The following ZNF749 variants were observed in gnomAD, a reference collection of about 807,000 sequenced individuals.
The protein encoded by ZNF749 is zinc finger protein 749.
A neutral mutation model predicts 7.3 loss-of-function variants in ZNF749; 8 were observed. The ratio of observed to expected loss-of-function variants is 1.10; its 90% confidence interval spans 0.64 to 1.98. The LOEUF is 1.98. Ranked by LOEUF, ZNF749 falls within the 30% of genes most tolerant of loss-of-function variation. ZNF749 has a pLI of 0.00. For missense variants in ZNF749, 898 were observed against 932.4 expected, an observed-to-expected ratio of 0.96 and a Z score of 0.48; for synonymous variants, 310 against 322.4, an observed-to-expected ratio of 0.96 and a Z score of 0.41.
chr19:57,440,910 G>A (rs182473727), intron 1 of ZNF749, among the ~76,000 whole-genome samples: 10 of 151,964 alleles, frequency 6.6e-5, no homozygotes, highest in African/African-American at 1.4e-4. Context: ...GGTGGATCAC[G>A]AGGTCAGGAG....
intron 1 of ZNF749, among the ~76,000 whole-genome samples, chr19:57,437,339 A>G (rs560203518): frequency 6.6e-6 from 1 of 152,276 alleles, no homozygotes; most frequent in South Asian, 2.1e-4. Context: ...AATAATTTAA[A>G]TGTATTAAAA....
At chr19:57,429,641 G>C in the ZNF749 span, among the ~76,000 whole-genome samples, 1 of 151,992 alleles carries the variant, frequency 6.6e-6, no homozygotes, top group African/African-American at 2.4e-5. This position sits in a 1 kb window ranked among gnomAD's most constrained non-coding sequence, Gnocchi z 4.2. Flanking sequence ...ACCATGCCTG[G>C]TGAATTTTTT....
upstream of ZNF749, chr19:57,435,232 C>T (rs2088921863): frequency 4.2e-6 from 2 of 476,224 alleles, no homozygotes; most frequent in Admixed American, 7.4e-5. Flanking sequence ...GTGAGAACTA[C>T]ATTACCCAGA....
At position 57,435,377 on chromosome 19, in the gene ZNF749, T is replaced by TAGCATGGCTAC. The variant is rs2088923972; in HGVS notation, c.-202_-201insAGCATGGCTAC. ...TTAGCATGGCTACCTAGGGATCTGTTCACTGATTTAGAGGGTCCCAGAGCT... is the reference window on the plus strand; with the variant it reads ...TTAGCATGGCTACCTAGGGATCTGTTAGCATGGCTACCACTGATTTAGAGGGTCCCAGAGCT... On this transcript the variant is annotated 5_prime_UTR_variant, in exon 1 of 3. It adds an upstream start codon to the 5' untranslated region. Coordinates refer to ENST00000334181, the MANE Select transcript of ZNF749 (RefSeq NM_001023561.4). 8.2e-6 allele frequency: 6 copies of TAGCATGGCTAC among 727,772 alleles called. No homozygotes were observed. In the South Asian group the frequency reaches 8.7e-5, roughly 11 times the overall value. The allele number at this position is 727,772 out of a possible 1,614,324, so 45.1% of individuals were successfully genotyped here.
At position 57,445,532 on chromosome 19, in the gene ZNF749, C is replaced by A. The variant is rs2240041; in HGVS notation, c.*47C>A. 4 of 1,552,350 alleles carry A rather than the reference C, an allele frequency of 2.6e-6. No homozygotes were observed. Among genetic ancestry groups the A allele is most frequent in the Non-Finnish European group, 3.5e-6 (4 of 1,152,932 alleles). The stretch of plus-strand genomic sequence containing the variant: ...ACCAAAACTGTCACCTCATTCAGCA[C>A]CAAAAGGTTCACATCGGACCAAGAA... On this transcript the variant is annotated 3_prime_UTR_variant, in exon 3 of 3. Transcript: ENST00000334181.
chr19:57,440,230 T>C (rs1470824930), intron 1 of ZNF749, among the ~76,000 whole-genome samples: 6 of 151,972 alleles, frequency 3.9e-5, no homozygotes. Flanking sequence ...GAGACTACTT[T>C]AGGGGAAGAT....
intron 1 of ZNF749, among the ~76,000 whole-genome samples, chr19:57,440,726 A>G (rs1003995245): frequency 2.0e-5 from 3 of 152,088 alleles, no homozygotes; most frequent in African/African-American, 7.2e-5. Flanking sequence ...AGGAGCATGA[A>G]TGCGTGGTCC....
chr19:57,446,524 T>C lies in ZNF749; in HGVS notation c.*1039T>C, dbSNP rs1258443507. On this transcript the variant is annotated 3_prime_UTR_variant, in exon 3 of 3. Transcript: ENST00000334181. ...ATGAGGAAACTTAAGTTTTAGTCTT[T>C]TGTGACTTATTTTGAGGCTTATTTC... Among the ~76,000 whole-genome samples the C allele has an allele frequency of 6.6e-6, 1 of 152,254 alleles. No homozygotes were observed. The highest frequency in any genetic ancestry group is 1.5e-5 in the Non-Finnish European group (1 of 68,044).
At position 57,435,611 on chromosome 19, in the gene ZNF749, G is replaced by C. The variant is rs753075822; in HGVS notation, c.15+18G>C. On this transcript the variant is annotated intron_variant, in intron 1 of 2. Coordinates refer to ENST00000334181, the MANE Select transcript of ZNF749 (RefSeq NM_001023561.4). ...TGACCGAGGTGCGTGCAGCGTCCCA[G>C]GCCGCCCCGCCCAACCCCTCCTCCC... 6.2e-7 allele frequency: 1 copy of C among 1,601,880 alleles called. No homozygotes were observed. Among genetic ancestry groups the C allele is most frequent in the South Asian group, 1.1e-5 (1 of 88,832 alleles).
In ZNF749 at chr19:57,444,809, G is replaced by A; in HGVS notation, c.1661G>A (p.Arg554Lys). The change falls in exon 3 of 3, where the codon AGG becomes AAG. Residue 554 changes from arginine to lysine, a missense_variant. Physicochemically the swap from Arg to Lys is conservative, Grantham distance 26. Transcript: ENST00000334181. ...IQHKRIDLRPRPYVCSECGKA... is the reference protein window; with the variant it reads ...IQHKRIDLRPKPYVCSECGKA... ...CACAAGAGGATTGACCTCAGGCCAA[G>A]GCCTTATGTGTGTAGTGAATGTGGG... 6.2e-7 allele frequency: 1 copy of A among 1,614,062 alleles called. No homozygotes were observed. The highest frequency in any genetic ancestry group is 2.2e-5 in the East Asian group (1 of 44,886).
chr19:57,440,667 A>G (rs726260), intron 1 of ZNF749, among the ~76,000 whole-genome samples: 53,531 of 151,838 alleles, frequency 0.35, 10,563 homozygotes, highest in African/African-American at 0.52. Flanking sequence ...GAGTGGAGGC[A>G]TTAGATACAT....
Position 57,435,365 on chromosome 19 carries a change from C to A in ZNF749, c.-214C>A. On this transcript the variant is annotated 5_prime_UTR_variant, in exon 1 of 3. Transcript: ENST00000334181. Reference sequence around the variant, plus strand: ...CTCATGGTTGCGTTAGCATGGCTACCTAGGGATCTGTTCACTGATTTAGAG... The same window carrying A: ...CTCATGGTTGCGTTAGCATGGCTACATAGGGATCTGTTCACTGATTTAGAG... 1.5e-6 allele frequency: 1 copy of A among 679,912 alleles called. No homozygotes were observed. Among genetic ancestry groups the A allele is most frequent in the Non-Finnish European group, 2.5e-6 (1 of 403,658 alleles). The allele number at this position is 679,912 out of a possible 1,614,324, so 42.1% of individuals were successfully genotyped here. A position where few individuals can be genotyped will look rare whatever the true frequency, so the allele number is the denominator to read the frequency against.
At chr19:57,432,121 C>T (rs1049639183), upstream of ZNF749, among the ~76,000 whole-genome samples, 1 of 151,864 alleles carries the variant, frequency 6.6e-6, no homozygotes, top group Non-Finnish European at 1.5e-5. Flanking sequence ...GCATGAGCCA[C>T]CGCGCCCAGC....
upstream of ZNF749, among the ~76,000 whole-genome samples, chr19:57,434,620 AC>A (rs1296350523): frequency 3.3e-5 from 5 of 151,978 alleles, no homozygotes; most frequent in Admixed American, 6.6e-5. Context: ...TAGATGGGCC[AC>A]CCTGGGCATA....
chr19:57,432,301 C>A (rs748555220), upstream of ZNF749, among the ~76,000 whole-genome samples: 1 of 149,118 alleles, frequency 6.7e-6, no homozygotes, highest in Non-Finnish European at 1.5e-5. Flanking sequence ...GGAGGCGGGG[C>A]GCGGTGGCTC....
In ZNF749 at chr19:57,436,142, T is replaced by C. The variant is rs938987810; in HGVS notation, c.15+549T>C. Among the ~76,000 whole-genome samples the C allele has an allele frequency of 1.4e-4, 21 of 152,088 alleles. No individual in the cohort carries two copies. The highest frequency in any genetic ancestry group is 1.3e-4 in the Admixed American group (2 of 15,268). ...GCTGTGAGGGAAAGTCGGTAGTGAA[T>C]GGTGTCTTCCATAGGTTTTGTTTTG... On this transcript the variant is annotated intron_variant, in intron 1 of 2. Coordinates refer to ENST00000334181, the MANE Select transcript of ZNF749 (RefSeq NM_001023561.4). This position sits in a 1 kb window ranked among gnomAD's most constrained non-coding sequence, Gnocchi z 4.0.
Position 57,444,663 on chromosome 19 carries a change from T to C in ZNF749, c.1515T>C (p.His505=). 4 of 1,598,754 alleles carry C rather than the reference T, an allele frequency of 2.5e-6. No homozygotes were observed. The highest frequency in any genetic ancestry group is 3.4e-6 in the Non-Finnish European group (4 of 1,174,698). Residue 505 remains histidine, a synonymous_variant, in exon 3 of 3, where the codon CAT becomes CAC. Coordinates refer to ENST00000334181, the MANE Select transcript of ZNF749 (RefSeq NM_001023561.4). ...ATCTGGTTGGTCACCAGAAAATCCA[T>C]ACTGGAGAACGGCCTTATGAATGCA... The part of the protein sequence containing the change: ...QAHLVGHQKI[H]TGERPYECTQ...
In ZNF749 at chr19:57,444,562, C is replaced by A. The variant is rs747979996; in HGVS notation, c.1414C>A (p.Gln472Lys). ...DAFSKRSDLI[Q>K]HKRIDIRPRP... ...ATTTTCAAAAAGGTCTGACCTCATT[C>A]AACACAAGAGGATTGACATTAGGCC... Residue 472 changes from glutamine to lysine, a missense_variant, in exon 3 of 3, where the codon CAA (glutamine) becomes AAA (lysine). Physicochemically the swap from Gln to Lys is moderately conservative, Grantham distance 53. Coordinates refer to ENST00000334181, the MANE Select transcript of ZNF749 (RefSeq NM_001023561.4). 1.2e-6 allele frequency: 2 copies of A among 1,613,324 alleles called. No homozygotes were observed. Among genetic ancestry groups the A allele is most frequent in the Non-Finnish European group, 1.7e-6 (2 of 1,179,808 alleles).
upstream of ZNF749, among the ~76,000 whole-genome samples, chr19:57,432,137 C>A (rs190548000): frequency 6.6e-6 from 1 of 151,998 alleles, no homozygotes; most frequent in East Asian, 1.9e-4. Flanking sequence ...CCAGCCTATG[C>A]TTGAGTTTTA....
Sources: gnomAD v4.1 joint callset for allele counts (sites outside exome capture counted in the v4.1 genomes callset) on GRCh38, gnomAD v4.1.1 for gene constraint, Gnocchi (gnomAD v3.1) non-coding constraint, MANE v1.5 for transcripts, NCBI Gene and HGNC (gene_info 2026-07-23, HGNC 2026-07-21) for gene names.